The following NBEA variants were observed in gnomAD, a reference collection of about 807,000 sequenced individuals.
NBEA encodes lysosomal-trafficking regulator 2.
Under a neutral mutation model 343.4 loss-of-function variants are expected in NBEA, and 44 were observed. The observed-to-expected ratio is 0.13, with a 90% CI of 0.10 to 0.16. The LOEUF is 0.16. Among genes scored for constraint, NBEA ranks in the 10% least tolerant of loss-of-function variants. The pLI is 1.00. For missense variants in NBEA, 2,555 were observed against 3,631.3 expected, an observed-to-expected ratio of 0.70 and a Z score of 7.62; for synonymous variants, 1,175 against 1,238.7, an observed-to-expected ratio of 0.95 and a Z score of 1.08.
At chr13:35,385,389 ATATTT>A (rs941981305) in intron 38 of NBEA, among the ~76,000 whole-genome samples, 2 of 152,166 alleles carry the variant, frequency 1.3e-5, no homozygotes, top group African/African-American at 4.8e-5. Flanking sequence ...TAAGAAATTA[ATATTT>A]TATTTTATTT....
intron 39 of NBEA, among the ~76,000 whole-genome samples, chr13:35,444,997 A>G (rs1294163576): frequency 5.3e-5 from 8 of 152,174 alleles, no homozygotes; most frequent in Non-Finnish European, 2.9e-5. Flanking sequence ...CATCCAATCT[A>G]GTGGAGGAGC....
At chr13:35,186,817 T>G (rs1435192031) in intron 30 of NBEA, 2 of 152,284 alleles carry the variant, frequency 1.3e-5, no homozygotes, top group Non-Finnish European at 2.9e-5. Context: ...AGTGTAATAG[T>G]AGTTGTCTAA....
At chr13:35,531,843 G>A (rs890958117) in intron 41 of NBEA, among the ~76,000 whole-genome samples, 26 of 152,200 alleles carry the variant, frequency 1.7e-4, no homozygotes, top group African/African-American at 6.3e-4. Flanking sequence ...GTAAGCATTA[G>A]CATCAGACTT....
At chr13:35,573,638 T>C (rs1162036525) in intron 45 of NBEA, among the ~76,000 whole-genome samples, 1 of 152,172 alleles carries the variant, frequency 6.6e-6, no homozygotes, top group Non-Finnish European at 1.5e-5. Flanking sequence ...CCTTCCCACT[T>C]AGCCAGCTGA....
At chr13:35,382,518 G>T (rs2042063041) in intron 38 of NBEA, among the ~76,000 whole-genome samples, 1 of 152,042 alleles carries the variant, frequency 6.6e-6, no homozygotes, top group Admixed American at 6.6e-5. Flanking sequence ...TACTGCATTT[G>T]GAGTAGTAAA....
At chr13:35,386,594 A>G (rs9315341) in intron 38 of NBEA, among the ~76,000 whole-genome samples, 23,739 of 152,164 alleles carry the variant, frequency 0.16, 2,074 homozygotes, top group East Asian at 0.44. Context: ...GACCTAGTTA[A>G]AAATTGAGAA....
intron 35 of NBEA, among the ~76,000 whole-genome samples, chr13:35,291,404 G>A (rs1348046606): frequency 6.6e-6 from 1 of 151,794 alleles, no homozygotes; most frequent in Non-Finnish European, 1.5e-5. Context: ...ATTGATTTCA[G>A]TTTTCAGGTT....
At chr13:35,429,430 G>A (rs2044940308) in intron 38 of NBEA, among the ~76,000 whole-genome samples, 1 of 151,766 alleles carries the variant, frequency 6.6e-6, no homozygotes, top group Admixed American at 6.6e-5. Context: ...TTGATCTTTT[G>A]ACTAGAGGGA....
chr13:35,386,817 T>C (rs2042264283), intron 38 of NBEA, among the ~76,000 whole-genome samples: 1 of 152,180 alleles, frequency 6.6e-6, no homozygotes, highest in Non-Finnish European at 1.5e-5. Flanking sequence ...CCTAAGCTTA[T>C]AGCAGAAGAT....
intron 27 of NBEA, 38 bp from the exon 28 acceptor site, chr13:35,176,958 A>C: frequency 7.7e-7 from 1 of 1,298,074 alleles, no homozygotes; most frequent in Non-Finnish European, 1.1e-6. Context: ...TATTATCTGT[A>C]ATATATTATC....
At chr13:35,664,023 C>T (rs143355588) in intron 55 of NBEA, among the ~76,000 whole-genome samples, 164 of 152,200 alleles carry the variant, frequency 1.1e-3, no homozygotes, top group African/African-American at 3.8e-3. Context: ...TCTTGGCCGA[C>T]CAGAGTGGAA....
At chr13:35,476,490 TA>T (rs1045680815) in intron 41 of NBEA, 24 of 723,810 alleles carry the variant, frequency 3.3e-5, no homozygotes, top group Non-Finnish European at 5.1e-5. Flanking sequence ...TTCTCAGGAA[TA>T]AAAAACAAAA....
At chr13:35,248,915 C>T (rs377360608) in intron 34 of NBEA, among the ~76,000 whole-genome samples, 12 of 152,066 alleles carry the variant, frequency 7.9e-5, no homozygotes, top group Admixed American at 5.2e-4. Context: ...TTTGGGAGGC[C>T]GAGGCAGGCA....
intron 56 of NBEA, 128 bp downstream of exon 56, chr13:35,665,314 A>G (rs2085299424): frequency 1.5e-6 from 1 of 673,698 alleles, no homozygotes; most frequent in Non-Finnish European, 2.5e-6. Context: ...TTATTTGTAG[A>G]TGTTTAGTTT....
intron 10 of NBEA, among the ~76,000 whole-genome samples, chr13:35,097,499 G>A (rs984897307): frequency 5.9e-5 from 9 of 151,808 alleles, no homozygotes; most frequent in African/African-American, 1.9e-4. Context: ...ATGTATTTCC[G>A]TTATTTAGAA....
chr13:35,205,713 G>A (rs1292707021), intron 31 of NBEA, among the ~76,000 whole-genome samples: 1 of 151,916 alleles, frequency 6.6e-6, no homozygotes, highest in Non-Finnish European at 1.5e-5. Flanking sequence ...GACTATATCA[G>A]CACTTTTGGG....
At chr13:34,950,323 G>C (rs970286453) in intron 1 of NBEA, among the ~76,000 whole-genome samples, 1 of 152,086 alleles carries the variant, frequency 6.6e-6, no homozygotes, top group African/African-American at 2.4e-5. Context: ...GATTCTACTT[G>C]AGAACAGAGC....
rs776271177 is a variant in NBEA at position 35,209,677 on chromosome 13, C to G, written c.5521+823C>G. 2.1e-4 allele frequency among the ~76,000 whole-genome samples: 32 copies of G among 152,080 alleles called. 1 individual carries two copies. The highest frequency in any genetic ancestry group is 3.4e-3 in the Middle Eastern group (1 of 294). ...CCAAACTGTATAGCCTTGAACTTTTCCATTTATTATCATTACTTAGATTCT... is the reference window on the plus strand; with the variant it reads ...CCAAACTGTATAGCCTTGAACTTTTGCATTTATTATCATTACTTAGATTCT... On this transcript the variant is annotated intron_variant, in intron 32 of 58. Coordinates refer to ENST00000379939, the MANE Select transcript of NBEA (RefSeq NM_001385012.1).
Position 34,959,151 on chromosome 13 carries a change from C to T in NBEA, c.294+16037C>T, listed in dbSNP as rs189053990. Among the ~76,000 whole-genome samples, 8 of 152,072 alleles carry T rather than the reference C, an allele frequency of 5.3e-5. No individual in the cohort carries two copies. In the East Asian group the frequency reaches 5.8e-4, roughly 11 times the overall value. ...ATTATGAAGTGCTATGTTTATTTGT[C>T]GTGTTTTTTAAGAGTTGAGGTTTAA... On this transcript the variant is annotated intron_variant, in intron 1 of 58. Transcript: ENST00000379939.
Sources: allele counts gnomAD v4.1 joint callset (sites outside exome capture counted in the v4.1 genomes callset), GRCh38; gene constraint gnomAD v4.1.1; transcripts MANE v1.5; gene names NCBI Gene and HGNC (gene_info 2026-07-23, HGNC 2026-07-21).